Variants in RARS1 observed in about 807,000 individuals in gnomAD.
RARS1 encodes arginyl-tRNA synthetase 1.
Under a neutral mutation model 78.7 loss-of-function variants are expected in RARS1, and 75 were observed. The observed-to-expected ratio is 0.95, with a 90% CI of 0.79 to 1.15. The LOEUF is 1.15. RARS1 is among the 50% of genes most tolerant of loss of function. The pLI is 0.00. For synonymous variants in RARS1, 273 were observed against 268.2 expected (o/e 1.02, Z -0.18); for missense variants, 787 against 787.5 (o/e 1.00, Z 0.01).
At chr5:168,498,066 A>G (rs1197208298) in intron 7 of RARS1, 1 of 152,038 alleles carries the variant, frequency 6.6e-6, no homozygotes, top group Non-Finnish European at 1.5e-5. Flanking sequence ...CATCTCTACA[A>G]AAAATACAAA....
At position 168,516,869 on chromosome 5, in the gene RARS1, A is replaced by G. The variant is rs1374868085; in HGVS notation, c.1544A>G (p.Asp515Gly). 1.2e-6 allele frequency: 2 copies of G among 1,614,122 alleles called. No individual in the cohort carries two copies. Among genetic ancestry groups the G allele is most frequent in the Admixed American group, 1.7e-5 (1 of 60,024 alleles). The change falls in exon 13 of 15, where the codon GAC (aspartate) becomes GGC (glycine). Residue 515 changes from aspartate (D) to glycine (G), a missense_variant. Physicochemically the swap from Asp to Gly is moderately conservative, Grantham distance 94. Transcript: ENST00000231572. The part of the protein sequence containing the change: ...YADLSHNRLN[D>G]YIFSFDKMLD... ...GACCTTTCCCATAACCGGTTGAATG[A>G]CTACATCTTCTCCTTTGACAAAATG...
chr5:168,503,946 A>G (rs931610701), intron 9 of RARS1, among the ~76,000 whole-genome samples: 1 of 151,308 alleles, frequency 6.6e-6, no homozygotes, highest in Admixed American at 6.6e-5. Context: ...GTAGTTGGGC[A>G]TGGTGATGCA....
At chr5:168,494,681 G>A (rs1758147786) in intron 5 of RARS1, 31 bp downstream of exon 5, 1 of 1,426,642 alleles carries the variant, frequency 7.0e-7, no homozygotes, top group Middle Eastern at 2.1e-4. Flanking sequence ...TAATATATTA[G>A]TATCTTAGAA....
intron 7 of RARS1, among the ~76,000 whole-genome samples, chr5:168,499,336 C>G (rs1208442813): frequency 1.3e-5 from 2 of 151,978 alleles, no homozygotes; most frequent in African/African-American, 4.8e-5. Context: ...AAAAAAAATT[C>G]CCTATGGTGG....
intron 14 of RARS1, 37 bp downstream of exon 14, chr5:168,518,099 G>A: frequency 9.3e-7 from 1 of 1,074,816 alleles, no homozygotes; most frequent in Non-Finnish European, 1.2e-6. Flanking sequence ...TTTTTTTAGT[G>A]AGAGACACGG....
Position 168,494,539 on chromosome 5 carries a change from C to T in RARS1, c.479-11C>T. The T allele has an allele frequency of 3.7e-6, 6 of 1,604,628 alleles. No individual in the cohort carries two copies. The highest frequency in any genetic ancestry group is 4.3e-6 in the Non-Finnish European group (5 of 1,172,524). On this transcript the variant is annotated splice_polypyrimidine_tract_variant and intron_variant, in intron 4 of 14. Transcript: ENST00000231572. Reference sequence around the variant, plus strand: ...GACAGTATCTGATATTTTTTCTCTTCTATCCATTAGGTTTTATTAATGTCC... The same window carrying T: ...GACAGTATCTGATATTTTTTCTCTTTTATCCATTAGGTTTTATTAATGTCC...
chr5:168,490,520 ATTGTGGG>A (rs1457216332), intron 2 of RARS1, among the ~76,000 whole-genome samples: 1 of 152,154 alleles, frequency 6.6e-6, no homozygotes, highest in African/African-American at 2.4e-5. Context: ...CTCTCACTGT[ATTGTGGG>A]AGGCATATTG....
intron 1 of RARS1, among the ~76,000 whole-genome samples, chr5:168,487,648 T>C (rs1757997997): frequency 1.3e-5 from 2 of 152,250 alleles, no homozygotes; most frequent in African/African-American, 4.8e-5. Flanking sequence ...TAATGTATGC[T>C]CATTTTTGGC....
At position 168,488,002 on chromosome 5, in the gene RARS1, T is replaced by C. The variant is rs189386986; in HGVS notation, c.46-600T>C. Among the ~76,000 whole-genome samples the C allele has an allele frequency of 1.3e-3, 200 of 152,348 alleles. 1 individual carries two copies. In the Middle Eastern group the frequency reaches 0.017, roughly 13 times the overall value. On this transcript the variant is annotated intron_variant, in intron 1 of 14. Coordinates refer to ENST00000231572, the MANE Select transcript of RARS1 (RefSeq NM_002887.4). The stretch of plus-strand genomic sequence containing the variant: ...CAACCTGAAACTTAACTACTCTTGC[T>C]AAATCAGAGTGTTTATCGAGCCAAA...
In RARS1 at chr5:168,519,288, A is replaced by G. The variant is rs1437759762; in HGVS notation, c.*98A>G. On this transcript the variant is annotated 3_prime_UTR_variant, in exon 15 of 15. Coordinates refer to ENST00000231572, the MANE Select transcript of RARS1 (RefSeq NM_002887.4). ...GTGGACACAAGCATAAGTAAAGAAA[A>G]TTTGTCAACCAGGCAAAATGTGGTT... 1 of 892,822 alleles carries G rather than the reference A, an allele frequency of 1.1e-6. No individual in the cohort carries two copies. Among genetic ancestry groups the G allele is most frequent in the Admixed American group, 2.9e-5 (1 of 33,922 alleles). 55.3% of individuals were successfully genotyped at this position (892,822 alleles called of 1,614,324 possible).
intron 12 of RARS1, among the ~76,000 whole-genome samples, chr5:168,515,932 T>G (rs1019794050): frequency 1.4e-4 from 22 of 152,188 alleles, no homozygotes; most frequent in African/African-American, 5.1e-4. Context: ...GCTCCTTCTT[T>G]TTGGGGATTG....
At chr5:168,502,547 A>G (rs995656649) in intron 9 of RARS1, among the ~76,000 whole-genome samples, 1 of 146,504 alleles carries the variant, frequency 6.8e-6, no homozygotes, top group Non-Finnish European at 1.5e-5. Context: ...TAGAGTTCAA[A>G]TTTCCCAAGT....
chr5:168,509,671 T>C (rs1447154581), intron 11 of RARS1, among the ~76,000 whole-genome samples: 2 of 151,746 alleles, frequency 1.3e-5, no homozygotes, highest in Non-Finnish European at 2.9e-5. Context: ...TTCTTTTTTT[T>C]TTTTTTAAAG....
intron 9 of RARS1, 141 bp downstream of exon 9, chr5:168,502,246 A>C (rs1758342222): frequency 8.1e-7 from 1 of 1,233,744 alleles, no homozygotes; most frequent in Non-Finnish European, 1.0e-6. Context: ...TATTGTATCT[A>C]TACCTTCTTA....
intron 12 of RARS1, among the ~76,000 whole-genome samples, chr5:168,513,890 G>C (rs7704557): frequency 6.6e-6 from 1 of 151,906 alleles, no homozygotes; most frequent in East Asian, 1.9e-4. Context: ...AAATGTCTTT[G>C]TTATGCCTTC....
Position 168,507,389 on chromosome 5 carries a change from G to A in RARS1, c.1346+558G>A, listed in dbSNP as rs10063775. On this transcript the variant is annotated intron_variant, in intron 11 of 14. Transcript: ENST00000231572. ...ATAAAATAAAAAGGTAAATACAACC[G>A]TGTTTCCATACAGTATTCCTCAATT... Among the ~76,000 whole-genome samples, 639 of 152,110 alleles carry A rather than the reference G, an allele frequency of 4.2e-3. 4 individuals carry two copies. Among genetic ancestry groups the A allele is most frequent in the African/African-American group, 0.015 (602 of 41,482 alleles).
intron 5 of RARS1, chr5:168,495,106 C>T (rs1458794857): frequency 1.2e-6 from 1 of 811,960 alleles, no homozygotes; most frequent in Non-Finnish European, 1.7e-6. Context: ...GAATTTGATT[C>T]TTTTTCAGTT....
chr5:168,516,874 A>T lies in RARS1; in HGVS notation c.1549A>T (p.Ile517Phe). ...DLSHNRLNDY[I>F]FSFDKMLDDR... is the part of the protein sequence containing the mutation. Reference sequence around the variant, plus strand: ...TTCCCATAACCGGTTGAATGACTACATCTTCTCCTTTGACAAAATGCTAGA... The same window carrying T: ...TTCCCATAACCGGTTGAATGACTACTTCTTCTCCTTTGACAAAATGCTAGA... Residue 517 changes from isoleucine (I) to phenylalanine (F), a missense_variant, in exon 13 of 15, where the codon ATC (isoleucine) becomes TTC (phenylalanine). Physicochemically the swap from Ile to Phe is conservative, Grantham distance 21. Transcript: ENST00000231572. 1 of 1,614,170 alleles carries T rather than the reference A, an allele frequency of 6.2e-7. No individual in the cohort carries two copies. The highest frequency in any genetic ancestry group is 1.6e-4 in the Middle Eastern group (1 of 6,062).
In RARS1 at chr5:168,492,669, C is replaced by T. The variant is rs371095437; in HGVS notation, c.191C>T (p.Ala64Val). 1 of 1,595,428 alleles carries T rather than the reference C, an allele frequency of 6.3e-7. No individual in the cohort carries two copies. Among genetic ancestry groups the T allele is most frequent in the East Asian group, 2.2e-5 (1 of 44,650 alleles). ...RLNILRKSLQ[A>V]ERNKPTKNMI... ...ATTCTTTTCCTACAGAGTCTTCAGG[C>T]AGAAAGGAACAAACCAACTAAAAAT... The change falls in exon 3 of 15, where the codon GCA (alanine) becomes GTA (valine). Residue 64 changes from alanine (A) to valine (V), a missense_variant. Coordinates refer to ENST00000231572, the MANE Select transcript of RARS1 (RefSeq NM_002887.4).
Sources: allele counts gnomAD v4.1 joint callset (sites outside exome capture counted in the v4.1 genomes callset), GRCh38; gene constraint gnomAD v4.1.1; transcripts MANE v1.5; gene names NCBI Gene and HGNC (gene_info 2026-07-23, HGNC 2026-07-21).